The following ATL2 variants were observed in gnomAD, a reference collection of about 807,000 sequenced individuals.
ATL2 encodes atlastin-2.
In ATL2, 31 loss-of-function variants were observed where a neutral mutation model predicts 73.9. That is an observed-to-expected ratio of 0.42 (90% confidence interval 0.32 to 0.57). ATL2 has a LOEUF of 0.57. ATL2 is among the 20% of genes least tolerant of loss of function. ATL2 has a pLI of 0.14. For missense variants in ATL2, 738 were observed against 702.6 expected, an observed-to-expected ratio of 1.05 and a Z score of -0.57; for synonymous variants, 291 against 237.5, an observed-to-expected ratio of 1.23 and a Z score of -2.07.
At chr2:38,339,111 G>A (rs1267875698) in intron 2 of ATL2, among the ~76,000 whole-genome samples, 1 of 152,148 alleles carries the variant, frequency 6.6e-6, no homozygotes, top group Non-Finnish European at 1.5e-5. Flanking sequence ...AGCTACTCAG[G>A]AGGCTGAGGC....
chr2:38,323,349 GTTTTT>G (rs1229668962), intron 2 of ATL2, among the ~76,000 whole-genome samples: 26 of 75,264 alleles, frequency 3.5e-4, no homozygotes, highest in African/African-American at 1.4e-3. Flanking sequence ...ATCACCAGAA[GTTTTT>G]TTTTTTTTTT....
intron 2 of ATL2, among the ~76,000 whole-genome samples, chr2:38,339,320 G>A (rs904526755): frequency 6.6e-6 from 1 of 152,116 alleles, no homozygotes; most frequent in Admixed American, 6.5e-5. Flanking sequence ...TTCTGTATTA[G>A]AGATCCTGGA....
At chr2:38,325,699 TACACACACACACACACACACACAC>T (rs1221635411) in intron 2 of ATL2, among the ~76,000 whole-genome samples, 23 of 11,314 alleles carry the variant, frequency 2.0e-3, no homozygotes, top group East Asian at 0.011. Flanking sequence ...CACACACCAG[TACACACACACACACACACACACAC>T]ACACACACAC....
At chr2:38,300,538 C>A (rs1305762696) in intron 9 of ATL2, 2 of 398,268 alleles carry the variant, frequency 5.0e-6, no homozygotes, top group South Asian at 8.0e-5. Flanking sequence ...ATTTCTATAA[C>A]AAATATAACA....
At chr2:38,362,168 GC>G (rs2124471158) in intron 1 of ATL2, among the ~76,000 whole-genome samples, 1 of 152,256 alleles carries the variant, frequency 6.6e-6, no homozygotes, top group African/African-American at 2.4e-5. Flanking sequence ...GCTTGTTTTT[GC>G]TTGGGAAAGG....
In ATL2 at chr2:38,343,460, T is replaced by C; in HGVS notation, c.171A>G (p.Lys57=). 1 of 1,611,600 alleles carries C rather than the reference T, an allele frequency of 6.2e-7. No homozygotes were observed. The highest frequency in any genetic ancestry group is 1.3e-5 in the African/African-American group (1 of 74,804). Residue 57 remains lysine (K), a synonymous_variant, in exon 2 of 13, where the codon AAA becomes AAG. Transcript: ENST00000378954. ...DLVNSDEVMK[K]PCPVQIVLAH... ...CAAGAACAATCTGTACTGGACATGG[T>C]TTCTTCATAACCTCATCAGAATTTA...
At chr2:38,307,166 T>C (rs951359463) in intron 9 of ATL2, among the ~76,000 whole-genome samples, 11 of 152,106 alleles carry the variant, frequency 7.2e-5, no homozygotes, top group African/African-American at 2.7e-4. Context: ...GAGACCAGCC[T>C]GGCCAACATG....
chr2:38,376,271 G>C (rs569877021), intron 1 of ATL2: 5 of 1,392,504 alleles, frequency 3.6e-6, no homozygotes, highest in Non-Finnish European at 4.7e-6. Flanking sequence ...TTATGAGTGA[G>C]AGGGATACAC....
At chr2:38,335,268 G>C (rs1218662056) in intron 2 of ATL2, among the ~76,000 whole-genome samples, 1 of 151,932 alleles carries the variant, frequency 6.6e-6, no homozygotes, top group East Asian at 1.9e-4. Context: ...AGAATTCAGT[G>C]CTTACATCAC....
At position 38,294,246 on chromosome 2, in the gene ATL2, T is replaced by C. The variant is rs1417517177; in HGVS notation, c.*1748A>G. ...ATGCAACTCAACACCTGCATTCTCT[T>C]CGCTTAAAAAGCAAACTAAGGGCCG... On this transcript the variant is annotated 3_prime_UTR_variant, in exon 13 of 13. Transcript: ENST00000378954. Among the ~76,000 whole-genome samples the C allele has an allele frequency of 6.6e-6, 1 of 152,194 alleles. No individual in the cohort carries two copies. The highest frequency in any genetic ancestry group is 2.4e-5 in the African/African-American group (1 of 41,450).
At chr2:38,353,863 G>C (rs746827053) in intron 1 of ATL2, among the ~76,000 whole-genome samples, 1 of 152,086 alleles carries the variant, frequency 6.6e-6, no homozygotes, top group Non-Finnish European at 1.5e-5. Flanking sequence ...TCAGTGAAAC[G>C]ATCATTCAAA....
At chr2:38,376,270 A>AT in intron 1 of ATL2, 1 of 1,391,992 alleles carries the variant, frequency 7.2e-7, no homozygotes, top group South Asian at 1.6e-5. Flanking sequence ...GTTATGAGTG[A>AT]GAGGGATACA....
chr2:38,353,548 T>C (rs986321041), intron 1 of ATL2, among the ~76,000 whole-genome samples: 2 of 152,186 alleles, frequency 1.3e-5, no homozygotes, highest in Non-Finnish European at 2.9e-5. Context: ...ATAGTCATAA[T>C]GTTACCAAAA....
At position 38,340,391 on chromosome 2, in the gene ATL2, G is replaced by C. The variant is rs1046721797; in HGVS notation, c.363+2877C>G. On this transcript the variant is annotated intron_variant, in intron 2 of 12. Transcript: ENST00000378954. ...TTATCTAAAGCACACCCCTAAATAA[G>C]CAAATAAGAATTAGAAGTGGGGGGG... 2.0e-5 allele frequency among the ~76,000 whole-genome samples: 3 copies of C among 150,924 alleles called. No homozygotes were observed. In the South Asian group the frequency reaches 6.4e-4, roughly 32 times the overall value.
chr2:38,348,272 G>T (rs949752971), intron 1 of ATL2, among the ~76,000 whole-genome samples: 2 of 151,870 alleles, frequency 1.3e-5, no homozygotes, highest in African/African-American at 4.8e-5. Context: ...TTTAAGGCCA[G>T]CCTGACCAAC....
chr2:38,361,266 ATGGCATGAACCCGGGAGGTGG>A (rs1356621830), intron 1 of ATL2, among the ~76,000 whole-genome samples: 3 of 150,870 alleles, frequency 2.0e-5, no homozygotes, highest in Non-Finnish European at 4.4e-5. Flanking sequence ...AGGCAGAAGA[ATGGCATGAACCCGGGAGGTGG>A]AGCCTGCAGC....
chr2:38,295,951 G>C lies in ATL2; in HGVS notation c.*43C>G. The C allele has an allele frequency of 6.9e-7, 1 of 1,439,356 alleles. No individual in the cohort carries two copies. The highest frequency in any genetic ancestry group is 9.5e-7 in the Non-Finnish European group (1 of 1,053,650). 89.2% of individuals were successfully genotyped at this position (1,439,356 alleles called of 1,614,324 possible). On this transcript the variant is annotated 3_prime_UTR_variant, in exon 13 of 13. Transcript: ENST00000378954. The stretch of plus-strand genomic sequence containing the variant: ...TATTTGAGTTCTCATTGTACAGCAA[G>C]CATGAAAAAAAAAGAGAGTGGAGTC...
chr2:38,300,241 G>C lies in ATL2; in HGVS notation c.1128+31C>G, dbSNP rs761179365. 2.6e-6 allele frequency: 4 copies of C among 1,535,674 alleles called. No homozygotes were observed. In the Admixed American group the frequency reaches 6.7e-5, roughly 26 times the overall value. ...TATTCTCCCTCATAAATAAGTATAT[G>C]TACAACACATATCACTCTCTCTCTC... On this transcript the variant is annotated intron_variant, in intron 10 of 12. Coordinates refer to ENST00000378954, the MANE Select transcript of ATL2 (RefSeq NM_001135673.4).
chr2:38,367,430 C>T (rs1293072908), intron 1 of ATL2, among the ~76,000 whole-genome samples: 3 of 150,562 alleles, frequency 2.0e-5, no homozygotes, highest in African/African-American at 2.4e-5. Flanking sequence ...GGTGAAACCC[C>T]GTCTCTATTA....
Sources: allele counts gnomAD v4.1 joint callset (sites outside exome capture counted in the v4.1 genomes callset), GRCh38; gene constraint gnomAD v4.1.1; transcripts MANE v1.5; gene names NCBI Gene and HGNC (gene_info 2026-07-23, HGNC 2026-07-21).